The following DST variants were observed in gnomAD, a reference collection of about 807,000 sequenced individuals.
DST encodes the protein dystonin.
Under a neutral mutation model 875.2 loss-of-function variants are expected in DST, and 253 were observed. The ratio of observed to expected loss-of-function variants is 0.29; its 90% CI spans 0.26 to 0.32. The LOEUF (loss-of-function observed/expected upper bound fraction) is 0.32, where lower values mean the gene tolerates loss of function less well. Ranked by LOEUF, DST falls within the 10% of genes least tolerant of loss-of-function variation. DST has a pLI of 1.00. For synonymous variants in DST, 3,124 were observed against 3,197.1 expected, an observed-to-expected ratio of 0.98 and a Z score of 0.77; for missense variants, 8,287 against 9,111.6, an observed-to-expected ratio of 0.91 and a Z score of 3.68.
chr6:56,520,505 T>G (rs759799443), intron 69 of DST, among the ~76,000 whole-genome samples: 2 of 152,092 alleles, frequency 1.3e-5, no homozygotes, highest in Non-Finnish European at 2.9e-5. Flanking sequence ...ATATGCTGCT[T>G]GTGATATTTT....
intron 4 of DST, among the ~76,000 whole-genome samples, chr6:56,796,840 A>C (rs977719495): frequency 5.9e-5 from 9 of 152,182 alleles, no homozygotes; most frequent in Admixed American, 3.9e-4. Context: ...CTATAAGCAG[A>C]GTAAATCCTC....
At chr6:56,502,617 G>A (rs2096171784) in intron 78 of DST, among the ~76,000 whole-genome samples, 1 of 151,950 alleles carries the variant, frequency 6.6e-6, no homozygotes, top group South Asian at 2.1e-4. Context: ...TTCTAACCAG[G>A]CTGCTATATA....
At chr6:56,581,896 T>A (rs373432314) in intron 49 of DST, among the ~76,000 whole-genome samples, 2 of 152,214 alleles carry the variant, frequency 1.3e-5, no homozygotes, top group East Asian at 1.9e-4. Context: ...GGGGTATATC[T>A]AACTACCCAA....
chr6:56,461,636 G>GCTTCCT, intron 102 of DST: 1 of 152,266 alleles, frequency 6.6e-6, no homozygotes, highest in Non-Finnish European at 1.5e-5. Flanking sequence ...TATTTGAAAT[G>GCTTCCT]AAACACAGTT....
In DST at chr6:56,476,292, G is replaced by C; in HGVS notation, c.21721C>G (p.Leu7241Val). 1 of 1,606,546 alleles carries C rather than the reference G, an allele frequency of 6.2e-7. No individual in the cohort carries two copies. The highest frequency in any genetic ancestry group is 2.2e-5 in the East Asian group (1 of 44,722). ...TCCTGTTTGGCAATAAGCCCAGCCAGAGCACTTGCTAATCTCTGCTGATGT... is the reference window on the plus strand; with the variant it reads ...TCCTGTTTGGCAATAAGCCCAGCCACAGCACTTGCTAATCTCTGCTGATGT... ...KQHQQRLASA[L>V]AGLIAKQELL... is the part of the protein sequence containing the mutation. The change falls in exon 92 of 104, where the codon CTG becomes GTG. Residue 7241 changes from leucine to valine, a missense_variant. Coordinates refer to ENST00000680361, the MANE Select transcript of DST (RefSeq NM_001374736.1).
chr6:56,469,643 A>C (rs1215000582), intron 97 of DST, among the ~76,000 whole-genome samples: 1 of 152,118 alleles, frequency 6.6e-6, no homozygotes, highest in Non-Finnish European at 1.5e-5. Flanking sequence ...TTTCTTGTGA[A>C]TTTTTCTTTA....
At chr6:56,794,355 C>T (rs139347628) in intron 4 of DST, among the ~76,000 whole-genome samples, 26 of 152,244 alleles carry the variant, frequency 1.7e-4, no homozygotes, top group African/African-American at 4.8e-4. Flanking sequence ...CCTGAAAACA[C>T]ATTACGTTGA....
In DST at chr6:56,611,524, C is replaced by T; in HGVS notation, c.5131G>A (p.Ala1711Thr). 1.9e-6 allele frequency: 3 copies of T among 1,611,738 alleles called. No homozygotes were observed. Among genetic ancestry groups the T allele is most frequent in the Non-Finnish European group, 2.5e-6 (3 of 1,178,620 alleles). Reference sequence around the variant, plus strand: ...CCAACATACTTGTCTCCATGTTTTGCCAAAAAAAGCTGTATAGTTTGAAGT... The same window carrying T: ...CCAACATACTTGTCTCCATGTTTTGTCAAAAAAAGCTGTATAGTTTGAAGT... ...EALQTIQLFL[A>T]KHGDKMTDEE... Residue 1711 changes from alanine (A) to threonine (T), a missense_variant, in exon 38 of 104, where the codon GCA (alanine) becomes ACA (threonine). By Grantham distance (58) the Ala-to-Thr change is moderately conservative. Coordinates refer to ENST00000680361, the MANE Select transcript of DST (RefSeq NM_001374736.1).
At position 56,578,951 on chromosome 6, in the gene DST, C is replaced by T. The variant is rs374055379; in HGVS notation, c.12904-14G>A. On this transcript the variant is annotated splice_polypyrimidine_tract_variant and intron_variant, in intron 49 of 103. Coordinates refer to ENST00000680361, the MANE Select transcript of DST (RefSeq NM_001374736.1). ...TCCTTGCAAAGCCTGTAGGATTAAACGCTTTTCAATTATACTCAGCAGGAC... is the reference window on the plus strand; with the variant it reads ...TCCTTGCAAAGCCTGTAGGATTAAATGCTTTTCAATTATACTCAGCAGGAC... 165 of 1,572,382 alleles carry T rather than the reference C, an allele frequency of 1.0e-4. No homozygotes were observed. The highest frequency in any genetic ancestry group is 1.3e-4 in the Non-Finnish European group (151 of 1,156,998).
At chr6:56,915,614 C>CAT (rs57342767) in intron 2 of DST, among the ~76,000 whole-genome samples, 31,933 of 149,386 alleles carry the variant, frequency 0.21, 3,733 homozygotes, top group African/African-American at 0.31. Context: ...AGGAAAAAAA[C>CAT]GTGCTAATTT....
At chr6:56,523,180 A>C (rs1443190464) in intron 69 of DST, among the ~76,000 whole-genome samples, 4 of 152,086 alleles carry the variant, frequency 2.6e-5, no homozygotes, top group African/African-American at 9.7e-5. Flanking sequence ...GCAAATCTAG[A>C]GTCAGATTTG....
chr6:56,711,471 T>TA (rs1449774631), intron 5 of DST, among the ~76,000 whole-genome samples: 3 of 152,182 alleles, frequency 2.0e-5, no homozygotes, highest in Non-Finnish European at 2.9e-5. Flanking sequence ...AGAAAACAGA[T>TA]AAAAAATCTA....
rs1454542061 is a variant in DST, at chr6:56,501,697, T to G, written c.19567-4A>C. ...GATAGGCCTCAGACTTAAATTGCTA[T>G]TTTAAAAGAGATATACAAAGAAAAT... is the stretch of plus-strand genomic sequence containing the variant. On this transcript the variant is annotated splice_polypyrimidine_tract_variant and splice_region_variant and intron_variant, in intron 78 of 103. Transcript: ENST00000680361. The G allele has an allele frequency of 6.4e-7, 1 of 1,573,526 alleles. No individual in the cohort carries two copies. The highest frequency in any genetic ancestry group is 8.6e-7 in the Non-Finnish European group (1 of 1,164,266).
intron 26 of DST, 80 bp from the exon 27 acceptor site, chr6:56,634,338 A>T (rs150050334): frequency 3.7e-6 from 6 of 1,609,496 alleles, no homozygotes; most frequent in Non-Finnish European, 4.3e-6. Flanking sequence ...TTTGTGTGAA[A>T]TATTCCACGG....
chr6:56,924,620 C>G (rs1806068504), intron 2 of DST, among the ~76,000 whole-genome samples: 1 of 152,066 alleles, frequency 6.6e-6, no homozygotes, highest in Non-Finnish European at 1.5e-5. Context: ...TACTAATATT[C>G]TCTTATGGTG....
At chr6:56,550,417 A>T (rs2097303138) in intron 61 of DST, among the ~76,000 whole-genome samples, 1 of 152,208 alleles carries the variant, frequency 6.6e-6, no homozygotes, top group South Asian at 2.1e-4. Flanking sequence ...TCACAATCAA[A>T]TAAAACAATC....
At chr6:56,901,911 C>A (rs1592265792) in intron 2 of DST, among the ~76,000 whole-genome samples, 2 of 152,236 alleles carry the variant, frequency 1.3e-5, no homozygotes, top group Non-Finnish European at 1.5e-5. Context: ...AAGGAGAAAT[C>A]TAACATAGAG....
intron 67 of DST, 36 bp from the exon 68 acceptor site, chr6:56,527,770 A>C (rs762300743): frequency 6.5e-7 from 1 of 1,544,566 alleles, no homozygotes. Flanking sequence ...CTTATGAAGG[A>C]AAAAAAAGGC....
rs1394280549 is a variant in DST, at chr6:56,611,508, T to C, written c.5147A>G (p.Lys1716Arg). Residue 1716 changes from lysine to arginine, a missense_variant and splice_region_variant, in exon 38 of 104, where the codon AAA becomes AGA. This residue lies in a region of DST where 3,138 missense variants were observed against 3,116.6 expected (regional missense o/e 1.01). Coordinates refer to ENST00000680361, the MANE Select transcript of DST (RefSeq NM_001374736.1). ...IQLFLAKHGD[K>R]MTDEERNELE... Reference sequence around the variant, plus strand: ...AAAGAGCTAACTACAACCAACATACTTGTCTCCATGTTTTGCCAAAAAAAG... The same window carrying C: ...AAAGAGCTAACTACAACCAACATACCTGTCTCCATGTTTTGCCAAAAAAAG... 2 of 1,604,486 alleles carry C rather than the reference T, an allele frequency of 1.2e-6. No individual in the cohort carries two copies. Among genetic ancestry groups the C allele is most frequent in the Admixed American group, 1.7e-5 (1 of 59,878 alleles).
Sources: allele counts gnomAD v4.1 joint callset (sites outside exome capture counted in the v4.1 genomes callset), GRCh38; gene constraint gnomAD v4.1.1; regional missense constraint gnomAD v4.1.1; transcripts MANE v1.5; gene names NCBI Gene and HGNC (gene_info 2026-07-23, HGNC 2026-07-21).